Variants in KCTD8 observed in about 807,000 individuals in gnomAD.
The protein encoded by KCTD8 is potassium channel tetramerization domain containing 8, also known as BTB/POZ domain-containing protein KCTD8.
KCTD8 carries 27 observed loss-of-function variants against 31.5 expected under a neutral mutation model. The observed-to-expected ratio is 0.86, with a 90% CI of 0.63 to 1.18. KCTD8 has a LOEUF of 1.18. KCTD8 is among the 50% of genes most tolerant of loss of function. The pLI is 0.00. For synonymous variants in KCTD8, 290 were observed against 280.0 expected (o/e 1.04, Z -0.36); for missense variants, 658 against 647.7 (o/e 1.02, Z -0.17).
intron 1 of KCTD8, among the ~76,000 whole-genome samples, chr4:44,374,429 C>A (rs1719868704): frequency 6.6e-6 from 1 of 152,180 alleles, no homozygotes; most frequent in Admixed American, 6.5e-5. Flanking sequence ...ACCACTTAAG[C>A]TTTCTCCATA....
chr4:44,433,025 A>G (rs1227168607), intron 1 of KCTD8, among the ~76,000 whole-genome samples: 2 of 151,616 alleles, frequency 1.3e-5, no homozygotes, highest in Admixed American at 6.6e-5. Flanking sequence ...GAACCTCAGC[A>G]CAGTTATCTT....
At chr4:44,436,558 T>A (rs1012215771) in intron 1 of KCTD8, among the ~76,000 whole-genome samples, 3 of 152,092 alleles carry the variant, frequency 2.0e-5, no homozygotes, top group Non-Finnish European at 2.9e-5. Flanking sequence ...ATATTATTTA[T>A]CTTGTTAGGG....
intron 1 of KCTD8, among the ~76,000 whole-genome samples, chr4:44,358,231 CT>C (rs1337924084): frequency 6.6e-6 from 1 of 152,098 alleles, no homozygotes; most frequent in African/African-American, 2.4e-5. Flanking sequence ...TGAACTCATC[CT>C]TTTTTATGGC....
At chr4:44,188,471 G>A (rs1012223929) in intron 1 of KCTD8, among the ~76,000 whole-genome samples, 1 of 152,070 alleles carries the variant, frequency 6.6e-6, no homozygotes, top group Non-Finnish European at 1.5e-5. Flanking sequence ...ATAGAAATAC[G>A]GCACCTCCGT....
intron 1 of KCTD8, among the ~76,000 whole-genome samples, chr4:44,295,316 A>G (rs1449484651): frequency 6.6e-6 from 1 of 152,088 alleles, no homozygotes; most frequent in Non-Finnish European, 1.5e-5. Flanking sequence ...ATAAAAAGAC[A>G]GAAAAACTAG....
At chr4:44,371,063 T>C (rs574038943) in intron 1 of KCTD8, among the ~76,000 whole-genome samples, 5 of 152,024 alleles carry the variant, frequency 3.3e-5, no homozygotes, top group Admixed American at 1.3e-4. Flanking sequence ...GGGAGGCCAA[T>C]GGTGTAAATC....
At chr4:44,217,391 T>C (rs1714679120) in intron 1 of KCTD8, among the ~76,000 whole-genome samples, 1 of 152,118 alleles carries the variant, frequency 6.6e-6, no homozygotes, top group Non-Finnish European at 1.5e-5. Context: ...AAGATTTTAT[T>C]GGCTAAAAGA....
chr4:44,249,121 G>A (rs1049366267), intron 1 of KCTD8, among the ~76,000 whole-genome samples: 1 of 151,684 alleles, frequency 6.6e-6, no homozygotes, highest in African/African-American at 2.4e-5. Flanking sequence ...AGGATTATGA[G>A]CTGCAGTGAG....
At chr4:44,210,967 T>C (rs1052716080) in intron 1 of KCTD8, among the ~76,000 whole-genome samples, 40 of 152,178 alleles carry the variant, frequency 2.6e-4, no homozygotes, top group Admixed American at 1.3e-4. Flanking sequence ...TCACCAGTCC[T>C]CTAGAGGCAG....
chr4:44,183,165 T>C (rs567654301), intron 1 of KCTD8, among the ~76,000 whole-genome samples: 2 of 152,290 alleles, frequency 1.3e-5, no homozygotes. Context: ...TTTTTATCTA[T>C]TAAAAATGAA....
intron 1 of KCTD8, among the ~76,000 whole-genome samples, chr4:44,201,861 G>A (rs1714161487): frequency 6.6e-6 from 1 of 151,908 alleles, no homozygotes; most frequent in African/African-American, 2.4e-5. Flanking sequence ...AACAGTCTAT[G>A]GAATAGGATA....
At chr4:44,238,469 CAG>C (rs1715355579) in intron 1 of KCTD8, among the ~76,000 whole-genome samples, 1 of 152,036 alleles carries the variant, frequency 6.6e-6, no homozygotes, top group Non-Finnish European at 1.5e-5. Flanking sequence ...CTATTTGCAA[CAG>C]AGTTTAGTGG....
chr4:44,311,319 T>C (rs1047831372), intron 1 of KCTD8, among the ~76,000 whole-genome samples: 1 of 152,122 alleles, frequency 6.6e-6, no homozygotes, highest in African/African-American at 2.4e-5. Context: ...GTTGCCTTCC[T>C]TCTCCAAATC....
intron 1 of KCTD8, among the ~76,000 whole-genome samples, chr4:44,422,941 G>A (rs1171697351): frequency 6.6e-6 from 1 of 152,004 alleles, no homozygotes; most frequent in Non-Finnish European, 1.5e-5. Flanking sequence ...GGTGGATAGA[G>A]AAGAGACTGA....
At chr4:44,231,723 T>C (rs191454419) in intron 1 of KCTD8, among the ~76,000 whole-genome samples, 109 of 152,300 alleles carry the variant, frequency 7.2e-4, no homozygotes, top group Non-Finnish European at 1.3e-3. Flanking sequence ...CACTGTCCTT[T>C]TAATTTCAAG....
At chr4:44,435,867 C>T (rs994140123) in intron 1 of KCTD8, among the ~76,000 whole-genome samples, 1 of 152,094 alleles carries the variant, frequency 6.6e-6, no homozygotes, top group Non-Finnish European at 1.5e-5. Context: ...TGTCCTCCCA[C>T]TGTGAAAACT....
intron 1 of KCTD8, among the ~76,000 whole-genome samples, chr4:44,390,022 G>C (rs1159374806): frequency 6.6e-6 from 1 of 151,930 alleles, no homozygotes; most frequent in Non-Finnish European, 1.5e-5. Context: ...GTTCCTTGTA[G>C]ATTCTGGATA....
At chr4:44,204,106 C>T (rs1161055592) in intron 1 of KCTD8, among the ~76,000 whole-genome samples, 1 of 151,786 alleles carries the variant, frequency 6.6e-6, no homozygotes, top group Non-Finnish European at 1.5e-5. Context: ...AATATAATTA[C>T]CACAATAGTT....
At chr4:44,424,806 A>C (rs919571602) in intron 1 of KCTD8, among the ~76,000 whole-genome samples, 1 of 152,116 alleles carries the variant, frequency 6.6e-6, no homozygotes, top group Non-Finnish European at 1.5e-5. Context: ...TGCTATAATA[A>C]CATTAATAAA....
Sources: gnomAD v4.1 joint callset for allele counts (sites outside exome capture counted in the v4.1 genomes callset) on GRCh38, gnomAD v4.1.1 for gene constraint, MANE v1.5 for transcripts, NCBI Gene and HGNC (gene_info 2026-07-23, HGNC 2026-07-21) for gene names.